Variants in SLC24A1 observed in about 807,000 individuals in gnomAD.
SLC24A1 encodes the protein solute carrier family 24 member 1, also known as sodium/potassium/calcium exchanger 1.
A neutral mutation model predicts 88.1 loss-of-function variants in SLC24A1; 52 were observed. The ratio of observed to expected loss-of-function variants is 0.59; its 90% CI spans 0.47 to 0.74. The LOEUF (loss-of-function observed/expected upper bound fraction) is 0.74, where lower values mean the gene tolerates loss of function less well. SLC24A1 is among the 30% of genes least tolerant of loss of function. SLC24A1 has a pLI of 0.00. For missense variants in SLC24A1, 1,173 were observed against 1,363.3 expected (o/e 0.86, Z 2.20); for synonymous variants, 455 against 498.0 (o/e 0.91, Z 1.15).
chr15:65,618,413 T>C (rs1309658718), upstream of SLC24A1, among the ~76,000 whole-genome samples: 1 of 152,224 alleles, frequency 6.6e-6, no homozygotes, highest in Non-Finnish European at 1.5e-5. Context: ...ATTGTAAAGA[T>C]GTGCCATTAT....
chr15:65,624,270 A>G lies in SLC24A1; in HGVS notation c.190A>G (p.Ser64Gly). The G allele has an allele frequency of 6.2e-7, 1 of 1,613,928 alleles. No homozygotes were observed. Among genetic ancestry groups the G allele is most frequent in the African/African-American group, 1.3e-5 (1 of 75,006 alleles). Residue 64 changes from serine (S) to glycine (G), a missense_variant, in exon 2 of 10, where the codon AGT (serine) becomes GGT (glycine). Physicochemically the swap from Ser to Gly is moderately conservative, Grantham distance 56. Transcript: ENST00000261892. ...VSSHQPIKLA[S>G]RDLSSEEMMM... Reference sequence around the variant, plus strand: ...TTCTCATCAGCCTATAAAACTGGCCAGTCGGGACCTCTCCAGTGAAGAGAT... The same window carrying G: ...TTCTCATCAGCCTATAAAACTGGCCGGTCGGGACCTCTCCAGTGAAGAGAT...
intron 5 of SLC24A1, 70 bp downstream of exon 5, chr15:65,644,583 C>T (rs1280720875): frequency 1.8e-6 from 2 of 1,135,122 alleles, no homozygotes; most frequent in Non-Finnish European, 2.6e-6. Flanking sequence ...TGAGCTTGGC[C>T]TGGAGGCAGC....
chr15:65,650,974 T>G lies in SLC24A1; in HGVS notation c.2793+32T>G. The G allele has an allele frequency of 6.3e-7, 1 of 1,591,970 alleles. No individual in the cohort carries two copies. The highest frequency in any genetic ancestry group is 8.6e-7 in the Non-Finnish European group (1 of 1,159,974). On this transcript the variant is annotated intron_variant, in intron 7 of 9. Coordinates refer to ENST00000261892, the MANE Select transcript of SLC24A1 (RefSeq NM_004727.3). The surrounding 1 kb of genome is among the most constrained non-coding windows in gnomAD (Gnocchi z 4.1). ...GTGCCCATCTGTATCTCAGACTCTT[T>G]ATCCCCAGCAGGGCTGTGGGGTCTC...
intron 2 of SLC24A1, among the ~76,000 whole-genome samples, chr15:65,634,740 C>CAAAAAAAAAAAAAAAAAAAA (rs5813364): frequency 5.0e-4 from 45 of 90,458 alleles, no homozygotes; most frequent in Non-Finnish European, 7.6e-4. Flanking sequence ...TCAAAAGCAC[C>CAAAAAAAAAAAAAAAAAAAA]AAAAAAAAAA....
intron 6 of SLC24A1, among the ~76,000 whole-genome samples, chr15:65,648,217 G>A (rs946392965): frequency 1.3e-5 from 2 of 151,764 alleles, no homozygotes; most frequent in African/African-American, 4.8e-5. Flanking sequence ...CCCAGATGGT[G>A]CCACTGCACT....
At chr15:65,651,277 C>T (rs2075495733) in intron 7 of SLC24A1, among the ~76,000 whole-genome samples, 2 of 152,160 alleles carry the variant, frequency 1.3e-5, no homozygotes, top group South Asian at 4.1e-4. Context: ...CAGGAGTATT[C>T]CCAAAACCCA....
At chr15:65,636,122 G>A (rs991970333) in intron 2 of SLC24A1, among the ~76,000 whole-genome samples, 1 of 152,170 alleles carries the variant, frequency 6.6e-6, no homozygotes, top group Non-Finnish European at 1.5e-5. Context: ...AGGTAAAGAC[G>A]ATTGCTGAGG....
intron 2 of SLC24A1, among the ~76,000 whole-genome samples, chr15:65,637,483 C>T (rs2074980303): frequency 6.6e-6 from 1 of 152,066 alleles, no homozygotes; most frequent in Non-Finnish European, 1.5e-5. Context: ...GCATTTTAGG[C>T]AGGAGAAAAA....
intron 4 of SLC24A1, among the ~76,000 whole-genome samples, chr15:65,643,635 A>G: frequency 6.6e-6 from 1 of 152,200 alleles, no homozygotes; most frequent in East Asian, 1.9e-4. Context: ...AGTGCTTTGC[A>G]TGTTTCCTGG....
In SLC24A1 at chr15:65,653,979, A is replaced by G; in HGVS notation, c.3200A>G (p.Asn1067Ser). ...SSIASCKWRMNKILGFTMFLL... is the reference protein window; with the variant it reads ...SSIASCKWRMSKILGFTMFLL... ...ATTGCGTCATGTAAATGGAGAATGA[A>G]CAAGATCCTGGGCTTCACAATGTTC... Residue 1067 changes from asparagine (N) to serine (S), a missense_variant, in exon 10 of 10, where the codon AAC becomes AGC. Transcript: ENST00000261892. 1 of 1,614,000 alleles carries G rather than the reference A, an allele frequency of 6.2e-7. No individual in the cohort carries two copies. Among genetic ancestry groups the G allele is most frequent in the South Asian group, 1.1e-5 (1 of 91,082 alleles).
chr15:65,643,779 CG>C (rs2075212953), intron 4 of SLC24A1: 2 of 153,424 alleles, frequency 1.3e-5, no homozygotes, highest in Admixed American at 1.3e-4. Context: ...AGGCCCTTCT[CG>C]GGCTCTTGTT....
At chr15:65,651,048 C>T in intron 7 of SLC24A1, 106 bp downstream of exon 7, 2 of 906,780 alleles carry the variant, frequency 2.2e-6, no homozygotes, top group Non-Finnish European at 3.6e-6. Flanking sequence ...CAGGGACAAC[C>T]AGCTTATCAG....
chr15:65,655,684 G>A lies in SLC24A1; in HGVS notation c.*1605G>A. The A allele has an allele frequency of 5.1e-6, 5 of 985,306 alleles. No individual in the cohort carries two copies. The highest frequency in any genetic ancestry group is 6.0e-6 in the Non-Finnish European group (5 of 829,888). The allele number at this position is 985,306 out of a possible 1,614,324, so 61.0% of individuals were successfully genotyped here. A position where few individuals can be genotyped will look rare whatever the true frequency, so the allele number is the denominator to read the frequency against. On this transcript the variant is annotated 3_prime_UTR_variant, in exon 10 of 10. Coordinates refer to ENST00000261892, the MANE Select transcript of SLC24A1 (RefSeq NM_004727.3). ...ATGATTCACTGAAGATGAAAAGATA[G>A]GACGGATGTGATATGAAAAAAACCC...
chr15:65,653,046 A>G (rs2075556715), intron 9 of SLC24A1: 1 of 358,128 alleles, frequency 2.8e-6, no homozygotes, highest in Non-Finnish European at 5.0e-6. Context: ...ATTGAAAACC[A>G]AAGTCCATTT....
chr15:65,655,431 A>G lies in SLC24A1; in HGVS notation c.*1352A>G. The stretch of plus-strand genomic sequence containing the variant: ...TGAGAAAAGTGCAGTACTACTTCCA[A>G]GGTAGCTAGTGTAAAGGACACTTGA... On this transcript the variant is annotated 3_prime_UTR_variant, in exon 10 of 10. Transcript: ENST00000261892. 3.0e-6 allele frequency: 3 copies of G among 985,432 alleles called. No homozygotes were observed. The highest frequency in any genetic ancestry group is 3.6e-6 in the Non-Finnish European group (3 of 829,880). The allele number at this position is 985,432 out of a possible 1,614,324, so 61.0% of individuals were successfully genotyped here.
At chr15:65,656,325 C>G, downstream of SLC24A1, 1 of 858,000 alleles carries the variant, frequency 1.2e-6, no homozygotes, top group Non-Finnish European at 1.4e-6. Flanking sequence ...GTTCTGATCA[C>G]TTTACAGTGT....
intron 6 of SLC24A1, among the ~76,000 whole-genome samples, chr15:65,647,051 G>C (rs1198977507): frequency 1.3e-5 from 2 of 152,160 alleles, no homozygotes; most frequent in Non-Finnish European, 2.9e-5. Flanking sequence ...CCTTCTCTGA[G>C]TACAGGCTCT....
chr15:65,630,031 C>A (rs1337462332), intron 2 of SLC24A1, among the ~76,000 whole-genome samples: 1 of 152,212 alleles, frequency 6.6e-6, no homozygotes, highest in Non-Finnish European at 1.5e-5. Context: ...GTGGCTCAAG[C>A]ACGACTCACT....
chr15:65,660,308 G>C (rs529757015), downstream of SLC24A1: 1 of 1,535,024 alleles, frequency 6.5e-7, no homozygotes, highest in Non-Finnish European at 8.7e-7. Flanking sequence ...TTTCAGCATG[G>C]TGCTATTCAC....
Sources: gnomAD v4.1 joint callset for allele counts (sites outside exome capture counted in the v4.1 genomes callset) on GRCh38, gnomAD v4.1.1 for gene constraint, Gnocchi (gnomAD v3.1) non-coding constraint, MANE v1.5 for transcripts, NCBI Gene and HGNC (gene_info 2026-07-23, HGNC 2026-07-21) for gene names.